Variants in ASB18 observed in about 807,000 individuals in gnomAD.
ASB18 encodes the protein ankyrin repeat and SOCS box containing 18.
A neutral mutation model predicts 33.4 loss-of-function variants in ASB18; 33 were observed. The ratio of observed to expected loss-of-function variants is 0.99; its 90% CI spans 0.75 to 1.32. ASB18 has a LOEUF of 1.32. Ranked by LOEUF, ASB18 falls within the 40% of genes most tolerant of loss-of-function variation. ASB18 has a pLI of 0.00. For missense variants in ASB18, 694 were observed against 655.5 expected (o/e 1.06, Z -0.64); for synonymous variants, 295 against 307.6 (o/e 0.96, Z 0.43).
At chr2:236,212,210 G>A (rs1414967525) in intron 4 of ASB18, among the ~76,000 whole-genome samples, 1 of 152,170 alleles carries the variant, frequency 6.6e-6, no homozygotes, top group Non-Finnish European at 1.5e-5. Flanking sequence ...TGGAGGATGA[G>A]TTGCACCACT....
Position 236,237,947 on chromosome 2 carries a change from G to GT in ASB18, c.337dup (p.Thr113AsnfsTer7). On this transcript the variant is annotated frameshift_variant, in exon 3 of 6. Coordinates refer to ENST00000409749, the MANE Select transcript of ASB18 (RefSeq NM_212556.4). LOFTEE classifies it high-confidence loss of function. The surrounding 1 kb of genome is among the most constrained non-coding windows in gnomAD (Gnocchi z 6.2). ...GGTGAGCTCACGCTTGTACTCCAGG[G>GT]TCCAGAGGCCTGCGGGGAGGGAGGT... 1 of 1,501,664 alleles carries GT rather than the reference G, an allele frequency of 6.7e-7. No individual in the cohort carries two copies. Among genetic ancestry groups the GT allele is most frequent in the Non-Finnish European group, 8.8e-7 (1 of 1,131,824 alleles). The allele number at this position is 1,501,664 out of a possible 1,614,324, so 93.0% of individuals were successfully genotyped here. A position where few individuals can be genotyped will look rare whatever the true frequency, so the allele number is the denominator to read the frequency against.
rs1252623069 is a variant in ASB18 at position 236,214,390 on chromosome 2, G to A, written c.1073C>T (p.Pro358Leu). The A allele has an allele frequency of 6.3e-7, 1 of 1,576,536 alleles. No homozygotes were observed. Among genetic ancestry groups the A allele is most frequent in the Non-Finnish European group, 8.6e-7 (1 of 1,166,356 alleles). The stretch of plus-strand genomic sequence containing the variant: ...GGGGAAGGCGTCGGGCCACACGGTG[G>A]GAGAGCCGTGGTTGAGCAGCGCCTG... Reference protein sequence around the residue: ...TVQALLNHGSPTVWPDAFPKV... With the variant: ...TVQALLNHGSLTVWPDAFPKV... The change falls in exon 4 of 6, where the codon CCC (proline) becomes CTC (leucine). Residue 358 changes from proline to leucine, a missense_variant. Coordinates refer to ENST00000409749, the MANE Select transcript of ASB18 (RefSeq NM_212556.4). The surrounding 1 kb of genome is among the most constrained non-coding windows in gnomAD (Gnocchi z 6.5).
Position 236,261,820 on chromosome 2 carries a change from G to A in ASB18, c.205+2321C>T, listed in dbSNP as rs139830998. The stretch of plus-strand genomic sequence containing the variant: ...GAAGGTGAGGGAAGAACAAAGACAC[G>A]TTTTACATGGTGGCAGGCAAGAGAT... On this transcript the variant is annotated intron_variant, in intron 1 of 5. Coordinates refer to ENST00000409749, the MANE Select transcript of ASB18 (RefSeq NM_212556.4). Among the ~76,000 whole-genome samples, 22 of 152,314 alleles carry A rather than the reference G, an allele frequency of 1.4e-4. No individual in the cohort carries two copies. In the East Asian group the frequency reaches 2.7e-3, roughly 19 times the overall value.
intron 1 of ASB18, among the ~76,000 whole-genome samples, chr2:236,254,973 C>T (rs1158996330): frequency 1.3e-5 from 2 of 152,080 alleles, no homozygotes; most frequent in Non-Finnish European, 2.9e-5. Flanking sequence ...GTGTGTAGCA[C>T]TCGCGACCCC....
Position 236,245,762 on chromosome 2 carries a change from G to A in ASB18, c.206-4360C>T, listed in dbSNP as rs781493891. Among the ~76,000 whole-genome samples, 1 of 152,134 alleles carries A rather than the reference G, an allele frequency of 6.6e-6. No homozygotes were observed. The highest frequency in any genetic ancestry group is 1.9e-4 in the East Asian group (1 of 5,188). On this transcript the variant is annotated intron_variant, in intron 1 of 5. Transcript: ENST00000409749. The surrounding 1 kb of genome is among the most constrained non-coding windows in gnomAD (Gnocchi z 4.7). ...GGTGGGGGCTGCTGCTTCCTCTCTGGGAAGTTCTTCATGCCCCGCATGGTG... is the reference window on the plus strand; with the variant it reads ...GGTGGGGGCTGCTGCTTCCTCTCTGAGAAGTTCTTCATGCCCCGCATGGTG...
Position 236,214,479 on chromosome 2 carries a change from C to G in ASB18, c.984G>C (p.Ser328=). ...CGGTCTGGAGCACGCGGCCCAGCGG[C>G]GAGGCCCCGCCATAGTCGAGCGCGC... ...DAGALDYGGA[S]PLGRVLQTAS... The change falls in exon 4 of 6, where the codon TCG becomes TCC. Residue 328 remains serine, a synonymous_variant. Coordinates refer to ENST00000409749, the MANE Select transcript of ASB18 (RefSeq NM_212556.4). The surrounding 1 kb of genome is among the most constrained non-coding windows in gnomAD (Gnocchi z 6.5). 2.0e-6 allele frequency: 3 copies of G among 1,503,352 alleles called. No individual in the cohort carries two copies. Among genetic ancestry groups the G allele is most frequent in the Non-Finnish European group, 2.6e-6 (3 of 1,132,416 alleles). The allele number at this position is 1,503,352 out of a possible 1,614,324, so 93.1% of individuals were successfully genotyped here.
intron 4 of ASB18, among the ~76,000 whole-genome samples, chr2:236,199,625 T>C (rs1453033179): frequency 2.6e-5 from 4 of 151,740 alleles, no homozygotes; most frequent in Admixed American, 2.6e-4. Flanking sequence ...TAAGCACACT[T>C]TTCTCATTTG....
chr2:236,199,596 T>G (rs1239045383), intron 4 of ASB18, among the ~76,000 whole-genome samples: 1 of 151,470 alleles, frequency 6.6e-6, no homozygotes, highest in South Asian at 2.1e-4. Context: ...TCAGGCTAGA[T>G]CTTCACCGTA....
chr2:236,209,271 T>G lies in ASB18; in HGVS notation c.1101+5091A>C, dbSNP rs2060448047. ...GAGATTTGCAGATGTTTCTAGAATC[T>G]GCTTTTTTTTTTTTTTTTTAAGACA... On this transcript the variant is annotated intron_variant, in intron 4 of 5. Coordinates refer to ENST00000409749, the MANE Select transcript of ASB18 (RefSeq NM_212556.4). The surrounding 1 kb of genome is among the most constrained non-coding windows in gnomAD (Gnocchi z 4.4). Among the ~76,000 whole-genome samples the G allele has an allele frequency of 6.9e-6, 1 of 144,808 alleles. No homozygotes were observed. Among genetic ancestry groups the G allele is most frequent in the African/African-American group, 2.6e-5 (1 of 38,766 alleles). The allele number at this position is 144,808 out of a possible 152,430, so 95.0% of individuals were successfully genotyped here.
intron 3 of ASB18, among the ~76,000 whole-genome samples, chr2:236,227,490 C>T (rs1001622396): frequency 2.0e-5 from 3 of 152,140 alleles, no homozygotes; most frequent in African/African-American, 7.2e-5. Context: ...GTAGTAGGCT[C>T]AATTATCAAC....
Position 236,260,383 on chromosome 2 carries a change from C to T in ASB18, c.205+3758G>A, listed in dbSNP as rs1046378022. Among the ~76,000 whole-genome samples, 12 of 152,148 alleles carry T rather than the reference C, an allele frequency of 7.9e-5. No homozygotes were observed. The highest frequency in any genetic ancestry group is 2.4e-4 in the African/African-American group (10 of 41,418). On this transcript the variant is annotated intron_variant, in intron 1 of 5. Coordinates refer to ENST00000409749, the MANE Select transcript of ASB18 (RefSeq NM_212556.4). This position sits in a 1 kb window ranked among gnomAD's most constrained non-coding sequence, Gnocchi z 5.1. ...TTCACATTCCTCCTCTCAGGGATTTCGGTGTTTGACAGTGTCCATTCCCAA... is the reference window on the plus strand; with the variant it reads ...TTCACATTCCTCCTCTCAGGGATTTTGGTGTTTGACAGTGTCCATTCCCAA...
intron 3 of ASB18, among the ~76,000 whole-genome samples, chr2:236,233,992 A>C (rs941451335): frequency 6.6e-6 from 1 of 152,222 alleles, no homozygotes; most frequent in African/African-American, 2.4e-5. Flanking sequence ...CCTGACTTCA[A>C]AATTTATTAT....
chr2:236,196,314 C>G lies in ASB18; in HGVS notation c.1173G>C (p.Leu391Phe). The G allele has an allele frequency of 6.4e-7, 1 of 1,564,868 alleles. No homozygotes were observed. The highest frequency in any genetic ancestry group is 8.7e-7 in the Non-Finnish European group (1 of 1,153,928). ...VLFNSYPQLC[L>F]SESWKEVIPE... ...GAATCACTTCCTTCCAGGACTCTGA[C>G]AAGCAGAGCTGAGGGTAGGAGTTGA... is the stretch of plus-strand genomic sequence containing the variant. The change falls in exon 5 of 6, where the codon TTG becomes TTC. Residue 391 changes from leucine (L) to phenylalanine (F), a missense_variant. By Grantham distance (22) the Leu-to-Phe change is conservative. Transcript: ENST00000409749. This position sits in a 1 kb window ranked among gnomAD's most constrained non-coding sequence, Gnocchi z 5.6.
In ASB18 at chr2:236,217,135, C is replaced by T. The variant is rs553009905; in HGVS notation, c.597-2269G>A. 3.9e-5 allele frequency among the ~76,000 whole-genome samples: 6 copies of T among 152,212 alleles called. No homozygotes were observed. The East Asian group carries it at 7.7e-4, about 20-fold the overall frequency. On this transcript the variant is annotated intron_variant, in intron 3 of 5. Transcript: ENST00000409749. The surrounding 1 kb of genome is among the most constrained non-coding windows in gnomAD (Gnocchi z 5.2). ...TTTCAAATATTTGTTGGGCCAGGCG[C>T]GGTGGCTCATGCCGGTAATCCCAGC...
chr2:236,226,578 G>T lies in ASB18; in HGVS notation c.596+11111C>A. Among the ~76,000 whole-genome samples, 1 of 152,208 alleles carries T rather than the reference G, an allele frequency of 6.6e-6. No individual in the cohort carries two copies. Among genetic ancestry groups the T allele is most frequent in the East Asian group, 1.9e-4 (1 of 5,198 alleles). On this transcript the variant is annotated intron_variant, in intron 3 of 5. Coordinates refer to ENST00000409749, the MANE Select transcript of ASB18 (RefSeq NM_212556.4). The surrounding 1 kb of genome is among the most constrained non-coding windows in gnomAD (Gnocchi z 4.8). ...AAAACCAACGGAAGCCAGGATATTA[G>T]ATTCTATTGTTCAGTGTGTAAGCTG...
rs1158633068 is a variant in ASB18, at chr2:236,237,712, G to C, written c.573C>G (p.Leu191=). Reference sequence around the variant, plus strand: ...ACCCGAGCGAGGCGGCCGTGCGGCAGAGGTGCAGAGGCGCCAGGCCCTCGG... The same window carrying C: ...ACCCGAGCGAGGCGGCCGTGCGGCACAGGTGCAGAGGCGCCAGGCCCTCGG... ...LSAEGLAPLH[L]CRTAASLGCA... Residue 191 remains leucine (L), a synonymous_variant, in exon 3 of 6, where the codon CTC becomes CTG. Transcript: ENST00000409749. The surrounding 1 kb of genome is among the most constrained non-coding windows in gnomAD (Gnocchi z 6.2). 4.4e-5 allele frequency: 64 copies of C among 1,457,730 alleles called. No homozygotes were observed. The highest frequency in any genetic ancestry group is 5.8e-5 in the Non-Finnish European group (64 of 1,111,092). The allele number at this position is 1,457,730 out of a possible 1,614,324, so 90.3% of individuals were successfully genotyped here. A position where few individuals can be genotyped will look rare whatever the true frequency, so the allele number is the denominator to read the frequency against.
In ASB18 at chr2:236,239,870, A is replaced by AGGCTGGAATCCAGGCAGCCTGAGCT. The variant is rs1451981670; in HGVS notation, c.328+1385_328+1409dup. Among the ~76,000 whole-genome samples, 2 of 152,140 alleles carry AGGCTGGAATCCAGGCAGCCTGAGCT rather than the reference A, an allele frequency of 1.3e-5. No individual in the cohort carries two copies. The highest frequency in any genetic ancestry group is 4.8e-5 in the African/African-American group (2 of 41,420). ...GGCAGTCAGGTGTCTGTGCCGGAGGAGGCTGGAATCCAGGCAGCCTGAGCT... is the reference window on the plus strand; with the variant it reads ...GGCAGTCAGGTGTCTGTGCCGGAGGAGGCTGGAATCCAGGCAGCCTGAGCTGGCTGGAATCCAGGCAGCCTGAGCT... On this transcript the variant is annotated intron_variant, in intron 2 of 5. Coordinates refer to ENST00000409749, the MANE Select transcript of ASB18 (RefSeq NM_212556.4). The surrounding 1 kb of genome is among the most constrained non-coding windows in gnomAD (Gnocchi z 5.6).
Position 236,205,593 on chromosome 2 carries a change from C to T in ASB18, c.1101+8769G>A, listed in dbSNP as rs1257084414. 1.4e-4 allele frequency among the ~76,000 whole-genome samples: 21 copies of T among 152,202 alleles called. 1 individual carries two copies. The highest frequency in any genetic ancestry group is 1.4e-3 in the Admixed American group (21 of 15,280). On this transcript the variant is annotated intron_variant, in intron 4 of 5. Transcript: ENST00000409749. The surrounding 1 kb of genome is among the most constrained non-coding windows in gnomAD (Gnocchi z 5.4). ...CCACATAGGCAGGAATACTTCTTTC[C>T]CCTTATCTGTTCACTCACTTATCCT...
intron 3 of ASB18, among the ~76,000 whole-genome samples, chr2:236,233,861 C>T (rs1237082253): frequency 2.0e-5 from 3 of 151,946 alleles, no homozygotes; most frequent in Non-Finnish European, 4.4e-5. Flanking sequence ...GACAACATAA[C>T]CCAGGAAGCT....
Sources: allele counts gnomAD v4.1 joint callset (sites outside exome capture counted in the v4.1 genomes callset), GRCh38; gene constraint gnomAD v4.1.1; non-coding constraint Gnocchi (gnomAD v3.1); transcripts MANE v1.5; gene names NCBI Gene and HGNC (gene_info 2026-07-23, HGNC 2026-07-21).